The following ABCD2 variants were observed in gnomAD, a reference collection of about 807,000 sequenced individuals.
ABCD2 encodes the protein ATP binding cassette subfamily D member 2, also known as ATP-binding cassette sub-family D member 2.
In ABCD2, 36 loss-of-function variants were observed where a neutral mutation model predicts 70.9. That is an observed-to-expected ratio of 0.51 (90% CI 0.39 to 0.67). The LOEUF (loss-of-function observed/expected upper bound fraction) is 0.67, where lower values mean the gene tolerates loss of function less well. Among genes scored for constraint, ABCD2 ranks in the 30% least tolerant of loss-of-function variants. The probability of loss-of-function intolerance (pLI) is 0.00; values close to 1 mark genes in which losing one functional copy is unlikely to be tolerated. For missense variants in ABCD2, 729 were observed against 890.2 expected, an observed-to-expected ratio of 0.82 and a Z score of 2.30; for synonymous variants, 304 against 306.9, an observed-to-expected ratio of 0.99 and a Z score of 0.10.
intron 9 of ABCD2, among the ~76,000 whole-genome samples, chr12:39,558,576 A>G (rs1941204817): frequency 6.6e-6 from 1 of 152,160 alleles, no homozygotes; most frequent in African/African-American, 2.4e-5. Flanking sequence ...TAGTGATTGA[A>G]TTCTCTTGAG....
chr12:39,532,706 A>T, the ABCD2 span, among the ~76,000 whole-genome samples: 1 of 152,232 alleles, frequency 6.6e-6, no homozygotes, highest in Non-Finnish European at 1.5e-5. Flanking sequence ...ACAGTGGAAC[A>T]GTGCACCACC....
chr12:39,615,000 C>T (rs897855609), intron 2 of ABCD2, among the ~76,000 whole-genome samples: 1 of 151,930 alleles, frequency 6.6e-6, no homozygotes, highest in Non-Finnish European at 1.5e-5. Flanking sequence ...TATTATATTT[C>T]AATCTAAAAT....
At chr12:39,549,166 A>T (rs10877100), downstream of ABCD2, among the ~76,000 whole-genome samples, 52,064 of 151,714 alleles carry the variant, frequency 0.34, 11,008 homozygotes, top group African/African-American at 0.6. Context: ...TATAGTCCTA[A>T]GGACTGGTTT....
At chr12:39,574,362 T>C (rs558014809) in intron 8 of ABCD2, among the ~76,000 whole-genome samples, 1 of 152,280 alleles carries the variant, frequency 6.6e-6, no homozygotes, top group Non-Finnish European at 1.5e-5. Flanking sequence ...TACAAATTTA[T>C]AACACACATT....
intron 6 of ABCD2, among the ~76,000 whole-genome samples, chr12:39,594,176 A>C (rs1941783673): frequency 6.6e-6 from 1 of 152,172 alleles, no homozygotes; most frequent in East Asian, 1.9e-4. Context: ...TTTCATACAC[A>C]TGCCCCTGTT....
the ABCD2 span, among the ~76,000 whole-genome samples, chr12:39,538,153 C>CTTTCATT: frequency 6.7e-6 from 1 of 149,948 alleles, no homozygotes; most frequent in Non-Finnish European, 1.5e-5. Flanking sequence ...GTGGAGTGTA[C>CTTTCATT]TTTCATTTTC....
chr12:39,615,290 T>G (rs118171958), intron 2 of ABCD2, among the ~76,000 whole-genome samples: 2 of 152,010 alleles, frequency 1.3e-5, no homozygotes, highest in Non-Finnish European at 2.9e-5. Context: ...ATATACATTA[T>G]ATATTAAACT....
chr12:39,612,139 G>C (rs973696697), intron 2 of ABCD2, among the ~76,000 whole-genome samples: 1 of 152,150 alleles, frequency 6.6e-6, no homozygotes, highest in African/African-American at 2.4e-5. Flanking sequence ...AATGTAAATT[G>C]AAAGAACTTT....
chr12:39,605,732 GA>G (rs1003957793), intron 3 of ABCD2, among the ~76,000 whole-genome samples: 2 of 152,210 alleles, frequency 1.3e-5, no homozygotes, highest in East Asian at 3.9e-4. Flanking sequence ...GTTTCTCAAT[GA>G]AACAGAATGC....
At chr12:39,564,320 C>G (rs1450735259) in intron 9 of ABCD2, among the ~76,000 whole-genome samples, 1 of 152,212 alleles carries the variant, frequency 6.6e-6, no homozygotes, top group Non-Finnish European at 1.5e-5. Context: ...AATCGCCATT[C>G]TAACTGGTGT....
At chr12:39,560,569 T>A (rs529789812) in intron 9 of ABCD2, among the ~76,000 whole-genome samples, 74 of 152,212 alleles carry the variant, frequency 4.9e-4, no homozygotes, top group South Asian at 1.2e-3. Flanking sequence ...ACACTAAAAA[T>A]TCAAAATGGG....
At chr12:39,592,077 T>G (rs1335197982) in intron 6 of ABCD2, among the ~76,000 whole-genome samples, 1 of 152,298 alleles carries the variant, frequency 6.6e-6, no homozygotes, top group East Asian at 1.9e-4. Context: ...AAAACTGAAC[T>G]GTACCAACTA....
At chr12:39,541,407 C>T in the ABCD2 span, among the ~76,000 whole-genome samples, 222 of 152,168 alleles carry the variant, frequency 1.5e-3, no homozygotes, top group African/African-American at 4.7e-3. Flanking sequence ...GTGTCATAAC[C>T]TGTGAAAGAC....
intron 2 of ABCD2, among the ~76,000 whole-genome samples, chr12:39,613,166 C>G (rs939808264): frequency 4.6e-5 from 4 of 87,868 alleles, no homozygotes; most frequent in African/African-American, 8.6e-5. Context: ...GCGGGCGGAT[C>G]ACGAGGTCAG....
intron 6 of ABCD2, among the ~76,000 whole-genome samples, chr12:39,592,349 C>T (rs1396746556): frequency 2.0e-5 from 3 of 152,178 alleles, no homozygotes; most frequent in African/African-American, 7.2e-5. Context: ...AAATAGATTG[C>T]TCATAATTAG....
chr12:39,586,352 A>C, intron 6 of ABCD2, 55 bp from the exon 7 acceptor site: 1 of 1,557,256 alleles, frequency 6.4e-7, no homozygotes, highest in South Asian at 1.2e-5. Flanking sequence ...TAACTTACTC[A>C]GTGTGACAAC....
chr12:39,548,612 GTCA>G (rs1941049355), downstream of ABCD2, among the ~76,000 whole-genome samples: 1 of 151,842 alleles, frequency 6.6e-6, no homozygotes, highest in African/African-American at 2.4e-5. Flanking sequence ...TCCCAGGTGA[GTCA>G]TCAGAAAATT....
At chr12:39,595,370 A>C (rs11172722) in intron 6 of ABCD2, among the ~76,000 whole-genome samples, 33,686 of 152,128 alleles carry the variant, frequency 0.22, 5,015 homozygotes, top group African/African-American at 0.43. Flanking sequence ...TAAGTAAAGT[A>C]TGTAGTCCCT....
intron 6 of ABCD2, among the ~76,000 whole-genome samples, chr12:39,598,182 CAATT>C (rs1337449832): frequency 1.3e-5 from 2 of 152,244 alleles, no homozygotes; most frequent in African/African-American, 4.8e-5. Flanking sequence ...ATGCAAGTAA[CAATT>C]AATGTACATT....
Sources: gnomAD v4.1 joint callset for allele counts (sites outside exome capture counted in the v4.1 genomes callset) on GRCh38, gnomAD v4.1.1 for gene constraint, MANE v1.5 for transcripts, NCBI Gene and HGNC (gene_info 2026-07-23, HGNC 2026-07-21) for gene names.